DOCK4: variants seen among roughly 807,000 people sequenced by gnomAD.
DOCK4 encodes dedicator of cytokinesis 4, also known as dedicator of cytokinesis protein 4.
A neutral mutation model predicts 268.1 loss-of-function variants in DOCK4; 97 were observed. The observed-to-expected ratio is 0.36, with a 90% CI of 0.31 to 0.43. The LOEUF (loss-of-function observed/expected upper bound fraction) is 0.43. Among genes scored for constraint, DOCK4 ranks in the 20% least tolerant of loss-of-function variants. The probability of loss-of-function intolerance (pLI) is 1.00; values close to 1 mark genes in which losing one functional copy is unlikely to be tolerated. For synonymous variants in DOCK4, 954 were observed against 887.2 expected (o/e 1.08, Z -1.34); for missense variants, 2,145 against 2,455.7 (o/e 0.87, Z 2.67).
chr7:112,166,263 T>G (rs1316503356), intron 1 of DOCK4, among the ~76,000 whole-genome samples: 1 of 152,132 alleles, frequency 6.6e-6, no homozygotes, highest in African/African-American at 2.4e-5. Context: ...TTGTACTTTT[T>G]TTACCAAAAG....
chr7:112,195,707 A>T (rs936830884), intron 1 of DOCK4, among the ~76,000 whole-genome samples: 1 of 152,118 alleles, frequency 6.6e-6, no homozygotes, highest in Non-Finnish European at 1.5e-5. Context: ...GGAGAAAAAA[A>T]AAAATAAGAC....
In DOCK4 at chr7:112,061,739, TCACACACACA is replaced by T. The variant is rs61696712; in HGVS notation, c.38-57618_38-57609del. 1.2e-3 allele frequency among the ~76,000 whole-genome samples: 162 copies of T among 137,216 alleles called. 1 individual carries two copies. The highest frequency in any genetic ancestry group is 3.0e-3 in the African/African-American group (108 of 36,180). The allele number at this position is 137,216 out of a possible 152,430, so 90.0% of individuals were successfully genotyped here. A position where few individuals can be genotyped will look rare whatever the true frequency, so the allele number is the denominator to read the frequency against. On this transcript the variant is annotated intron_variant, in intron 1 of 52. Transcript: ENST00000428084. ...ATATTCTGGGAAGATATTAACAATG[TCACACACACA>T]CACACACACACACACACACACACAC...
intron 1 of DOCK4, among the ~76,000 whole-genome samples, chr7:112,115,427 A>G (rs148094654): frequency 6.6e-6 from 1 of 152,348 alleles, no homozygotes; most frequent in African/African-American, 2.4e-5. Flanking sequence ...GGACACCTGC[A>G]GCCTACTGTT....
intron 3 of DOCK4, among the ~76,000 whole-genome samples, 185 bp downstream of exon 3, chr7:112,000,309 C>T (rs1800318602): frequency 6.6e-6 from 1 of 152,092 alleles, no homozygotes; most frequent in Non-Finnish European, 1.5e-5. Context: ...ATAGGATTAT[C>T]ATTTGAGTAG....
At chr7:112,139,522 T>C (rs1814688565) in intron 1 of DOCK4, among the ~76,000 whole-genome samples, 1 of 152,166 alleles carries the variant, frequency 6.6e-6, no homozygotes, top group Admixed American at 6.5e-5. Flanking sequence ...AGAATAACCT[T>C]ATCAAATGTG....
intron 1 of DOCK4, among the ~76,000 whole-genome samples, chr7:112,114,645 C>G (rs1811959199): frequency 6.6e-6 from 1 of 152,178 alleles, no homozygotes; most frequent in African/African-American, 2.4e-5. Context: ...TGTGTGCTTC[C>G]TATCTTGTCC....
rs375107859 is a variant in DOCK4, at chr7:111,935,856, A to T, written c.978-228T>A. Among the ~76,000 whole-genome samples, 60 of 152,318 alleles carry T rather than the reference A, an allele frequency of 3.9e-4. No individual in the cohort carries two copies. The South Asian group carries it at 0.011, about 28-fold the overall frequency. ...CTACCTCATGACAGAAGCAGCTGGG[A>T]TAACACTTCGCAGATTACAAGTGGC... On this transcript the variant is annotated intron_variant, in intron 11 of 52. Transcript: ENST00000428084.
chr7:111,916,579 C>A (rs1025043930), intron 12 of DOCK4, among the ~76,000 whole-genome samples: 6 of 151,906 alleles, frequency 3.9e-5, no homozygotes, highest in African/African-American at 1.5e-4. Flanking sequence ...TATTTTTACC[C>A]CAATTATAAG....
chr7:112,161,798 T>C lies in DOCK4; in HGVS notation c.37+44304A>G, dbSNP rs1430977987. 2.0e-5 allele frequency among the ~76,000 whole-genome samples: 3 copies of C among 152,190 alleles called. No individual in the cohort carries two copies. The East Asian group carries it at 5.8e-4, about 29-fold the overall frequency. On this transcript the variant is annotated intron_variant, in intron 1 of 52. Coordinates refer to ENST00000428084, the MANE Select transcript of DOCK4 (RefSeq NM_001363540.2). ...TTTACACATCTTGGTTAATGTGGCA[T>C]AACAAAACTGGAGAACCTTTATGCC...
At chr7:112,174,939 C>CTT (rs368676870) in intron 1 of DOCK4, among the ~76,000 whole-genome samples, 106 of 131,234 alleles carry the variant, frequency 8.1e-4, no homozygotes, top group African/African-American at 1.9e-3. Flanking sequence ...TCCCCTGGAA[C>CTT]TTTTTTTTTT....
intron 10 of DOCK4, among the ~76,000 whole-genome samples, chr7:111,941,882 A>G (rs17159028): frequency 0.12 from 18,281 of 152,158 alleles, 1,514 homozygotes; most frequent in East Asian, 0.37. Flanking sequence ...ACTCTCCAAC[A>G]AGGATTTTGT....
chr7:112,181,878 G>T lies in DOCK4; in HGVS notation c.37+24224C>A, dbSNP rs529398366. Among the ~76,000 whole-genome samples, 3 of 152,102 alleles carry T rather than the reference G, an allele frequency of 2.0e-5. No individual in the cohort carries two copies. The East Asian group carries it at 5.8e-4, about 29-fold the overall frequency. ...CTGAGGATTCTATGCTATTAAATCC[G>T]CAGGACAGCCTGGGCACCTGTACCC... is the stretch of plus-strand genomic sequence containing the variant. On this transcript the variant is annotated intron_variant, in intron 1 of 52. Transcript: ENST00000428084.
intron 1 of DOCK4, among the ~76,000 whole-genome samples, chr7:112,077,497 C>T (rs1331880502): frequency 6.6e-6 from 1 of 152,036 alleles, no homozygotes; most frequent in Non-Finnish European, 1.5e-5. Flanking sequence ...AATTACGCAT[C>T]ATTTCTACAG....
At chr7:112,026,909 A>T (rs750198829) in intron 1 of DOCK4, among the ~76,000 whole-genome samples, 1 of 152,200 alleles carries the variant, frequency 6.6e-6, no homozygotes, top group Non-Finnish European at 1.5e-5. Flanking sequence ...ACAAAAGTTC[A>T]AATTAAAGAG....
At chr7:111,844,135 T>C (rs918542545) in intron 25 of DOCK4, among the ~76,000 whole-genome samples, 2 of 151,816 alleles carry the variant, frequency 1.3e-5, no homozygotes, top group Non-Finnish European at 2.9e-5. Flanking sequence ...ATTAGCCGGG[T>C]GTGGTGGCGG....
chr7:111,735,321 T>C (rs1410004649), intron 50 of DOCK4, among the ~76,000 whole-genome samples, 154 bp from the exon 51 acceptor site: 4 of 152,216 alleles, frequency 2.6e-5, no homozygotes, highest in Admixed American at 6.5e-5. Flanking sequence ...CTTTATTTAA[T>C]TGGCTGCCTA....
chr7:112,204,884 C>A (rs1587060006), intron 1 of DOCK4, among the ~76,000 whole-genome samples: 1 of 105,186 alleles, frequency 9.5e-6, no homozygotes, highest in Non-Finnish European at 1.7e-5. Flanking sequence ...AATTTTAAAA[C>A]ACACACACAC....
chr7:111,808,656 TA>T, intron 30 of DOCK4, 164 bp downstream of exon 30: 1 of 630,062 alleles, frequency 1.6e-6, no homozygotes, highest in South Asian at 2.7e-5. Context: ...GAATTTGTTG[TA>T]ACCTCATTCA....
rs373081912 is a variant in DOCK4, at chr7:111,859,629, G to C, written c.2473+3743C>G. ...GTCGCCCAGGCTGGAGTGCAGTGGC[G>C]GGATCTCGGCTCACTGCAAGCTCCG... On this transcript the variant is annotated intron_variant, in intron 23 of 52. Coordinates refer to ENST00000428084, the MANE Select transcript of DOCK4 (RefSeq NM_001363540.2). 4.7e-4 allele frequency among the ~76,000 whole-genome samples: 69 copies of C among 147,604 alleles called. No homozygotes were observed. The South Asian group carries it at 0.013, about 28-fold the overall frequency.
Sources: allele counts gnomAD v4.1 joint callset (sites outside exome capture counted in the v4.1 genomes callset), GRCh38; gene constraint gnomAD v4.1.1; transcripts MANE v1.5; gene names NCBI Gene and HGNC (gene_info 2026-07-23, HGNC 2026-07-21).